The following EGFR variants were observed in gnomAD, a reference collection of about 807,000 sequenced individuals.
EGFR encodes epidermal growth factor receptor.
In EGFR, 58 loss-of-function variants were observed where a neutral mutation model predicts 143.0. That is an observed-to-expected ratio of 0.41 (90% CI 0.33 to 0.50). The LOEUF (loss-of-function observed/expected upper bound fraction) is 0.50, where lower values mean the gene tolerates loss of function less well. EGFR is among the 20% of genes least tolerant of loss of function. EGFR has a pLI of 0.39. For missense variants in EGFR, 1,307 were observed against 1,579.0 expected (o/e 0.83, Z 2.92); for synonymous variants, 613 against 594.4 (o/e 1.03, Z -0.45).
Position 55,122,024 on chromosome 7 carries a change from C to T in EGFR, c.89-20262C>T, listed in dbSNP as rs1020854554. 2.0e-5 allele frequency among the ~76,000 whole-genome samples: 3 copies of T among 152,300 alleles called. No individual in the cohort carries two copies. In the South Asian group the frequency reaches 6.2e-4, roughly 32 times the overall value. ...AAAAGACTTGGAGGGGAGACCTGAGCCCACTTCTGGAAGGAAATGATAACA... is the reference window on the plus strand; with the variant it reads ...AAAAGACTTGGAGGGGAGACCTGAGTCCACTTCTGGAAGGAAATGATAACA... On this transcript the variant is annotated intron_variant, in intron 1 of 27. Transcript: ENST00000275493.
intron 27 of EGFR, chr7:55,203,197 CACATAT>C (rs1787933922): frequency 4.3e-6 from 1 of 232,420 alleles, no homozygotes; most frequent in Non-Finnish European, 8.4e-6. Context: ...CACATGCACA[CACATAT>C]ACACACACAC....
At chr7:55,157,066 C>T (rs1476102975) in intron 10 of EGFR, 4 of 1,080,268 alleles carry the variant, frequency 3.7e-6, no homozygotes, top group African/African-American at 1.6e-5. Context: ...CTCCCTCCCG[C>T]CCGGCCCCAG....
At chr7:55,105,159 A>G (rs939719409) in intron 1 of EGFR, among the ~76,000 whole-genome samples, 2 of 152,174 alleles carry the variant, frequency 1.3e-5, no homozygotes, top group Admixed American at 6.5e-5. Flanking sequence ...GTCTGCCTTT[A>G]TTGCTTATTT....
chr7:55,074,139 C>T (rs1789999529), intron 1 of EGFR, among the ~76,000 whole-genome samples: 1 of 152,216 alleles, frequency 6.6e-6, no homozygotes, highest in South Asian at 2.1e-4. Flanking sequence ...CGCTCTGGCT[C>T]ATTCTAAGGT....
At chr7:55,052,126 G>T (rs144726263) in intron 1 of EGFR, among the ~76,000 whole-genome samples, 84 of 152,288 alleles carry the variant, frequency 5.5e-4, no homozygotes, top group African/African-American at 1.9e-3. Context: ...TGTGATTTTG[G>T]TCAAGTCCTT....
At chr7:55,174,221 A>G (rs936128589) in intron 18 of EGFR, among the ~76,000 whole-genome samples, 178 bp downstream of exon 18, 3 of 152,190 alleles carry the variant, frequency 2.0e-5, no homozygotes, top group Non-Finnish European at 2.9e-5. Flanking sequence ...TTTTATAACC[A>G]CAGTAATCAG....
intron 1 of EGFR, among the ~76,000 whole-genome samples, chr7:55,049,170 T>C (rs1788341900): frequency 6.6e-6 from 1 of 152,244 alleles, no homozygotes; most frequent in Non-Finnish European, 1.5e-5. Context: ...AATTCTGTAT[T>C]GCATCCAAAT....
intron 1 of EGFR, among the ~76,000 whole-genome samples, chr7:55,034,016 A>G (rs1485071129): frequency 4.6e-5 from 7 of 151,712 alleles, no homozygotes; most frequent in Admixed American, 3.9e-4. Flanking sequence ...CTCCCCCATC[A>G]TCACTAAAGC....
In EGFR at chr7:55,090,177, C is replaced by T. The variant is rs558386901; in HGVS notation, c.89-52109C>T. On this transcript the variant is annotated intron_variant, in intron 1 of 27. Transcript: ENST00000275493. ...AGAGACAGGGTTTCACCATGTTGGT[C>T]AGGTTGGTCTCAAACTCCTGACCTC... Among the ~76,000 whole-genome samples, 8 of 152,270 alleles carry T rather than the reference C, an allele frequency of 5.3e-5. No individual in the cohort carries two copies. The South Asian group carries it at 1.7e-3, about 32-fold the overall frequency.
intron 5 of EGFR, among the ~76,000 whole-genome samples, chr7:55,152,003 T>G (rs1295535423): frequency 6.6e-6 from 1 of 152,210 alleles, no homozygotes; most frequent in Non-Finnish European, 1.5e-5. Flanking sequence ...CCAGACTTCT[T>G]GTTTCCTCTC....
intron 19 of EGFR, among the ~76,000 whole-genome samples, chr7:55,176,414 C>G (rs1012317103): frequency 2.6e-5 from 4 of 152,116 alleles, no homozygotes; most frequent in Non-Finnish European, 5.9e-5. Flanking sequence ...AAGTTAAGTG[C>G]ACCCAACATC....
intron 1 of EGFR, among the ~76,000 whole-genome samples, chr7:55,113,917 A>G (rs1266754834): frequency 2.0e-5 from 3 of 152,192 alleles, no homozygotes; most frequent in Non-Finnish European, 4.4e-5. Flanking sequence ...CTGCCAAGCC[A>G]GGCCTCACCC....
chr7:55,053,731 C>A (rs1425829138), intron 1 of EGFR, among the ~76,000 whole-genome samples: 1 of 152,248 alleles, frequency 6.6e-6, no homozygotes, highest in Admixed American at 6.5e-5. Context: ...CAGCACTCCG[C>A]TCCCCAACCC....
chr7:55,179,098 T>A (rs1786735599), intron 19 of EGFR, among the ~76,000 whole-genome samples: 1 of 152,252 alleles, frequency 6.6e-6, no homozygotes, highest in Non-Finnish European at 1.5e-5. Context: ...GATCCGACAC[T>A]GCAGAGCGCC....
At chr7:55,119,440 A>G (rs1793066820) in intron 1 of EGFR, 2 of 152,224 alleles carry the variant, frequency 1.3e-5, no homozygotes, top group South Asian at 2.1e-4. Flanking sequence ...ACCATCAACT[A>G]TTTGGAAACT....
At chr7:55,047,916 A>G (rs1788273186) in intron 1 of EGFR, among the ~76,000 whole-genome samples, 1 of 152,212 alleles carries the variant, frequency 6.6e-6, no homozygotes, top group Non-Finnish European at 1.5e-5. Context: ...CAGAAAAGTA[A>G]TACTATAACC....
At chr7:55,145,308 C>T (rs17336386) in intron 3 of EGFR, among the ~76,000 whole-genome samples, 2,808 of 152,318 alleles carry the variant, frequency 0.018, 99 homozygotes, top group African/African-American at 0.065. Flanking sequence ...TCCTGAGTTC[C>T]ATCCACCTGT....
intron 1 of EGFR, among the ~76,000 whole-genome samples, chr7:55,039,124 G>A (rs952177033): frequency 5.9e-5 from 9 of 152,280 alleles, no homozygotes; most frequent in Middle Eastern, 3.4e-3. Context: ...GGGCCCATGC[G>A]TTATGAAATT....
intron 1 of EGFR, among the ~76,000 whole-genome samples, chr7:55,072,259 C>T (rs755816813): frequency 3.3e-5 from 5 of 152,230 alleles, no homozygotes; most frequent in Admixed American, 6.5e-5. Context: ...CTGTACTCTG[C>T]ACAACTTTGG....
Sources: allele counts gnomAD v4.1 joint callset (sites outside exome capture counted in the v4.1 genomes callset), GRCh38; gene constraint gnomAD v4.1.1; transcripts MANE v1.5; gene names NCBI Gene and HGNC (gene_info 2026-07-23, HGNC 2026-07-21).